LRRC8B: variants seen among roughly 807,000 people sequenced by gnomAD.
LRRC8B encodes leucine rich repeat containing 8 VRAC subunit B.
Under a neutral mutation model 58.8 loss-of-function variants are expected in LRRC8B, and 23 were observed. The observed-to-expected ratio is 0.39, with a 90% CI of 0.28 to 0.55. The LOEUF is 0.55. Among genes scored for constraint, LRRC8B ranks in the 20% least tolerant of loss-of-function variants. The pLI is 0.62. For missense variants in LRRC8B, 694 were observed against 936.0 expected, an observed-to-expected ratio of 0.74 and a Z score of 3.37; for synonymous variants, 359 against 374.1, an observed-to-expected ratio of 0.96 and a Z score of 0.47.
chr1:89,562,660 A>G (rs1652769820), intron 1 of LRRC8B, among the ~76,000 whole-genome samples: 1 of 152,110 alleles, frequency 6.6e-6, no homozygotes. Context: ...TTGTAGAGAC[A>G]TGATCTTGCC....
chr1:89,570,541 C>T (rs1653391626), intron 3 of LRRC8B, among the ~76,000 whole-genome samples: 1 of 151,992 alleles, frequency 6.6e-6, no homozygotes, highest in African/African-American at 2.4e-5. Flanking sequence ...CTGTTCATGT[C>T]CTTTGCCCAC....
intron 4 of LRRC8B, among the ~76,000 whole-genome samples, chr1:89,581,704 C>G (rs751843237): frequency 6.6e-6 from 1 of 152,164 alleles, no homozygotes; most frequent in East Asian, 1.9e-4. Context: ...ATCGTTTATC[C>G]TTTTAGTACT....
In LRRC8B at chr1:89,581,630, T is replaced by C. The variant is rs1447095537; in HGVS notation, c.-26-995T>C. 2.0e-5 allele frequency among the ~76,000 whole-genome samples: 3 copies of C among 152,362 alleles called. No individual in the cohort carries two copies. In the South Asian group the frequency reaches 6.2e-4, roughly 32 times the overall value. ...AATGTTGTCTGAATACTTTTCAGTA[T>C]GAAAATACAAGATAATCTTGTTTTC... On this transcript the variant is annotated intron_variant, in intron 4 of 5. Transcript: ENST00000330947.
At chr1:89,569,558 A>G (rs1487382055) in intron 3 of LRRC8B, among the ~76,000 whole-genome samples, 1 of 152,104 alleles carries the variant, frequency 6.6e-6, no homozygotes. Flanking sequence ...AAGTGAAAAA[A>G]TGTATTTAGT....
At chr1:89,582,516 C>T (rs1654308722) in intron 4 of LRRC8B, 109 bp from the exon 5 acceptor site, 4 of 670,056 alleles carry the variant, frequency 6.0e-6, no homozygotes, top group Non-Finnish European at 1.0e-5. Flanking sequence ...AGGTTTTACC[C>T]CAGAGCTAAA....
At chr1:89,546,328 A>C (rs1651401074) in intron 1 of LRRC8B, among the ~76,000 whole-genome samples, 1 of 152,162 alleles carries the variant, frequency 6.6e-6, no homozygotes, top group Admixed American at 6.5e-5. Context: ...TTGGCATCTT[A>C]TCAAGAATGG....
At chr1:89,585,475 G>A (rs115176696) in intron 5 of LRRC8B, among the ~76,000 whole-genome samples, 154 of 152,268 alleles carry the variant, frequency 1.0e-3, no homozygotes, top group African/African-American at 3.6e-3. Context: ...TTAAGATATG[G>A]AGGAGGAGGA....
intron 1 of LRRC8B, among the ~76,000 whole-genome samples, chr1:89,542,042 A>G (rs1224879589): frequency 6.6e-6 from 1 of 152,240 alleles, no homozygotes; most frequent in Non-Finnish European, 1.5e-5. Context: ...TAAAAGTTGT[A>G]AAATCCTGGG....
chr1:89,530,816 A>G (rs888544883), intron 1 of LRRC8B, among the ~76,000 whole-genome samples: 5 of 152,190 alleles, frequency 3.3e-5, no homozygotes, highest in African/African-American at 1.2e-4. Context: ...GACAGGAACC[A>G]GCATGGCAGG....
rs999610808 is a variant in LRRC8B at position 89,559,298 on chromosome 1, A to G, written c.-240-8949A>G. Among the ~76,000 whole-genome samples the G allele has an allele frequency of 3.3e-5, 5 of 152,118 alleles. No individual in the cohort carries two copies. In the East Asian group the frequency reaches 9.6e-4, roughly 29 times the overall value. ...ACTGAACCCCAATGCTTAAGGGATAAGCTAGTATTAGGAACCTTCCATGGT... is the reference window on the plus strand; with the variant it reads ...ACTGAACCCCAATGCTTAAGGGATAGGCTAGTATTAGGAACCTTCCATGGT... On this transcript the variant is annotated intron_variant, in intron 1 of 5. Transcript: ENST00000330947.
chr1:89,572,021 T>A (rs1653509009), intron 3 of LRRC8B, among the ~76,000 whole-genome samples: 1 of 152,214 alleles, frequency 6.6e-6, no homozygotes, highest in Non-Finnish European at 1.5e-5. Flanking sequence ...AGTCTCCTAC[T>A]ATTTTTGATT....
At chr1:89,555,001 C>T (rs1187444645) in intron 1 of LRRC8B, among the ~76,000 whole-genome samples, 12 of 150,176 alleles carry the variant, frequency 8.0e-5, no homozygotes, top group Non-Finnish European at 1.6e-4. Flanking sequence ...TGTCAAACTT[C>T]CAGATGGGGA....
chr1:89,545,805 A>T (rs1651356316), intron 1 of LRRC8B, among the ~76,000 whole-genome samples: 1 of 152,192 alleles, frequency 6.6e-6, no homozygotes, highest in African/African-American at 2.4e-5. Context: ...ACATCGTAGG[A>T]GGTGAGGCTT....
At chr1:89,525,462 T>C (rs1482062030) in intron 1 of LRRC8B, among the ~76,000 whole-genome samples, 1 of 152,274 alleles carries the variant, frequency 6.6e-6, no homozygotes, top group Non-Finnish European at 1.5e-5. Flanking sequence ...TTGGTCGCTC[T>C]GTTTTGCCCC....
At chr1:89,534,552 G>GT (rs1027636630) in intron 1 of LRRC8B, among the ~76,000 whole-genome samples, 2 of 150,888 alleles carry the variant, frequency 1.3e-5, no homozygotes, top group African/African-American at 4.9e-5. Flanking sequence ...CAGTATACTT[G>GT]TTTTTTAAAA....
At chr1:89,525,469 C>T (rs753011960) in intron 1 of LRRC8B, among the ~76,000 whole-genome samples, 22 of 152,230 alleles carry the variant, frequency 1.4e-4, no homozygotes, top group Non-Finnish European at 1.2e-4. Context: ...CTCTGTTTTG[C>T]CCCCTGCGCT....
chr1:89,564,215 T>G (rs972488263), intron 1 of LRRC8B, among the ~76,000 whole-genome samples: 1 of 152,198 alleles, frequency 6.6e-6, no homozygotes, highest in Non-Finnish European at 1.5e-5. Context: ...TGGCTATCTA[T>G]CATGTCGACT....
rs372918745 is a variant in LRRC8B, at chr1:89,573,075, C to T, written c.-125+4582C>T. Among the ~76,000 whole-genome samples the T allele has an allele frequency of 6.2e-4, 95 of 152,076 alleles. 1 individual carries two copies. In the East Asian group the frequency reaches 0.013, roughly 20 times the overall value. On this transcript the variant is annotated intron_variant, in intron 3 of 5. Transcript: ENST00000330947. ...CAGCACTTTGGGAGGCTGAGGTGGG[C>T]GGATCACGAGGTCAGGAGATCGAGA... is the stretch of plus-strand genomic sequence containing the variant.
rs1654456489 is a variant in LRRC8B at position 89,584,174 on chromosome 1, C to T, written c.1524C>T (p.His508=). Residue 508 remains histidine, a synonymous_variant, in exon 5 of 6, where the codon CAC becomes CAT. Coordinates refer to ENST00000330947, the MANE Select transcript of LRRC8B (RefSeq NM_001369817.2). ...EMGKIPRWVF[H]LKNLKELYLS... ...GAAAAATCCCACGCTGGGTATTTCA[C>T]CTCAAGAATCTCAAGGAACTTTATC... 3 of 1,611,608 alleles carry T rather than the reference C, an allele frequency of 1.9e-6. No homozygotes were observed. Among genetic ancestry groups the T allele is most frequent in the Non-Finnish European group, 8.5e-7 (1 of 1,180,024 alleles).
Sources: gnomAD v4.1 joint callset for allele counts (sites outside exome capture counted in the v4.1 genomes callset) on GRCh38, gnomAD v4.1.1 for gene constraint, MANE v1.5 for transcripts, NCBI Gene and HGNC (gene_info 2026-07-23, HGNC 2026-07-21) for gene names.